Variants in PABPC4L observed in about 807,000 individuals in gnomAD.
PABPC4L encodes polyadenylate-binding protein 4-like.
For synonymous variants in PABPC4L, 169 were observed against 164.1 expected (o/e 1.03, Z -0.23); for missense variants, 452 against 451.4 (o/e 1.00, Z -0.01).
At chr4:134,132,807 C>T in the PABPC4L span, among the ~76,000 whole-genome samples, 1 of 149,206 alleles carries the variant, frequency 6.7e-6, no homozygotes, top group African/African-American at 2.5e-5. Flanking sequence ...ATAGAACCAG[C>T]CCAAATGCCC....
At chr4:134,123,065 G>C in the PABPC4L span, among the ~76,000 whole-genome samples, 1 of 151,850 alleles carries the variant, frequency 6.6e-6, no homozygotes, top group Non-Finnish European at 1.5e-5. Flanking sequence ...GGAAATACAG[G>C]GTTAGGTACC....
At chr4:134,061,599 A>G in the PABPC4L span, among the ~76,000 whole-genome samples, 2 of 143,626 alleles carry the variant, frequency 1.4e-5, no homozygotes, top group South Asian at 2.2e-4. Flanking sequence ...TAATACACAT[A>G]CACACAAACA....
chr4:134,179,222 A>C, the PABPC4L span, among the ~76,000 whole-genome samples: 1 of 152,278 alleles, frequency 6.6e-6, no homozygotes, highest in African/African-American at 2.4e-5. Flanking sequence ...TCTATGAGCC[A>C]GATAAAACTG....
chr4:134,012,989 G>T, the PABPC4L span, among the ~76,000 whole-genome samples: 9 of 152,048 alleles, frequency 5.9e-5, no homozygotes, highest in African/African-American at 1.9e-4. Flanking sequence ...TTTAATCATT[G>T]CAGGGACACC....
the PABPC4L span, among the ~76,000 whole-genome samples, chr4:134,098,651 C>A: frequency 4.0e-5 from 6 of 151,448 alleles, no homozygotes; most frequent in East Asian, 1.2e-3. Context: ...GTCTTATGAA[C>A]ATATAGTTGG....
the PABPC4L span, among the ~76,000 whole-genome samples, chr4:134,187,725 TTAATG>T: frequency 6.6e-6 from 1 of 152,118 alleles, no homozygotes; most frequent in Non-Finnish European, 1.5e-5. Flanking sequence ...TTGTCTGATG[TTAATG>T]TAGATACTCC....
At chr4:133,999,683 GA>G in the PABPC4L span, among the ~76,000 whole-genome samples, 3 of 151,980 alleles carry the variant, frequency 2.0e-5, no homozygotes, top group East Asian at 5.8e-4. Flanking sequence ...AATACAAGGG[GA>G]AAAAAGTTTC....
chr4:134,171,960 G>T, the PABPC4L span, among the ~76,000 whole-genome samples: 1 of 151,546 alleles, frequency 6.6e-6, no homozygotes, highest in Non-Finnish European at 1.5e-5. Context: ...CACCTAACAG[G>T]GGCATGAAAT....
At chr4:134,014,650 A>T in the PABPC4L span, among the ~76,000 whole-genome samples, 3 of 151,756 alleles carry the variant, frequency 2.0e-5, no homozygotes, top group African/African-American at 7.3e-5. Flanking sequence ...CTGAAGACTG[A>T]CACTGCCCGA....
chr4:134,007,620 T>G, the PABPC4L span, among the ~76,000 whole-genome samples: 3 of 151,602 alleles, frequency 2.0e-5, no homozygotes, highest in African/African-American at 7.2e-5. Flanking sequence ...ATACCTCAAT[T>G]TCAACATAAG....
chr4:134,123,246 A>G, the PABPC4L span, among the ~76,000 whole-genome samples: 1 of 152,008 alleles, frequency 6.6e-6, no homozygotes, highest in African/African-American at 2.4e-5. Context: ...TTTTCTCCAT[A>G]ATGTACCTAT....
chr4:133,996,510 T>G, the PABPC4L span, among the ~76,000 whole-genome samples: 7 of 152,198 alleles, frequency 4.6e-5, no homozygotes, highest in African/African-American at 1.7e-4. Context: ...TCCCATGATG[T>G]AACCCTAGCC....
the PABPC4L span, among the ~76,000 whole-genome samples, chr4:134,107,629 T>C: frequency 6.6e-6 from 1 of 151,632 alleles, no homozygotes; most frequent in Non-Finnish European, 1.5e-5. Context: ...TTTTGGTAGA[T>C]AGAACCTATC....
chr4:134,050,786 T>C, the PABPC4L span, among the ~76,000 whole-genome samples: 2 of 147,668 alleles, frequency 1.4e-5, no homozygotes, highest in Non-Finnish European at 3.0e-5. Flanking sequence ...ATAACAAAGG[T>C]TCAGATGTGA....
chr4:134,009,578 T>C, the PABPC4L span, among the ~76,000 whole-genome samples: 1 of 152,046 alleles, frequency 6.6e-6, no homozygotes, highest in Admixed American at 6.6e-5. Context: ...CCTTTCACTT[T>C]GATAGCTTGC....
At chr4:134,070,206 G>C in the PABPC4L span, among the ~76,000 whole-genome samples, 1 of 151,932 alleles carries the variant, frequency 6.6e-6, no homozygotes, top group African/African-American at 2.4e-5. Context: ...GGGCCTAGGT[G>C]CTCCCGTACC....
the PABPC4L span, among the ~76,000 whole-genome samples, chr4:134,175,606 G>A: frequency 2.6e-5 from 4 of 151,996 alleles, no homozygotes; most frequent in South Asian, 2.1e-4. Flanking sequence ...GTGCCATCAC[G>A]TCTGGCTAAT....
chr4:134,191,632 T>C (rs1207530498), downstream of PABPC4L, among the ~76,000 whole-genome samples: 3 of 151,896 alleles, frequency 2.0e-5, no homozygotes, highest in Non-Finnish European at 4.4e-5. Context: ...AATTAGAAAA[T>C]ACTTTGGTTT....
At chr4:134,073,423 C>T in the PABPC4L span, among the ~76,000 whole-genome samples, 9 of 152,342 alleles carry the variant, frequency 5.9e-5, no homozygotes, top group Admixed American at 3.9e-4. Context: ...GCAGCTCTGC[C>T]TCTGTGGCTC....
Sources: gnomAD v4.1 joint callset for allele counts (sites outside exome capture counted in the v4.1 genomes callset) on GRCh38, gnomAD v4.1.1 for gene constraint, MANE v1.5 for transcripts, NCBI Gene and HGNC (gene_info 2026-07-23, HGNC 2026-07-21) for gene names.